Variants in CRACDL observed in about 807,000 individuals in gnomAD.
CRACDL encodes the protein CRACD like, also known as CRACD-like protein.
In CRACDL, 26 loss-of-function variants were observed where a neutral mutation model predicts 70.6. The ratio of observed to expected loss-of-function variants is 0.37; its 90% CI spans 0.27 to 0.51. The LOEUF (loss-of-function observed/expected upper bound fraction) is 0.51, where lower values mean the gene tolerates loss of function less well. Among genes scored for constraint, CRACDL ranks in the 20% least tolerant of loss-of-function variants. The pLI, the probability that CRACDL is intolerant of heterozygous loss-of-function variation, is 0.94. For synonymous variants in CRACDL, 618 were observed against 615.2 expected (o/e 1.00, Z -0.07); for missense variants, 1,283 against 1,376.9 (o/e 0.93, Z 1.08).
intron 1 of CRACDL, among the ~76,000 whole-genome samples, chr2:98,932,691 G>A (rs13397765): frequency 0.39 from 58,917 of 151,944 alleles, 12,166 homozygotes; most frequent in African/African-American, 0.53. Context: ...AGCCCCGACG[G>A]CTCTCCCAGT....
intron 1 of CRACDL, among the ~76,000 whole-genome samples, chr2:98,854,031 A>C (rs1411475522): frequency 1.3e-5 from 2 of 152,042 alleles, no homozygotes; most frequent in African/African-American, 2.4e-5. Flanking sequence ...CACCTGTAAT[A>C]CCAGCACTTT....
chr2:98,930,347 TC>T (rs1367636028), intron 1 of CRACDL, among the ~76,000 whole-genome samples: 1 of 41,414 alleles, frequency 2.4e-5, no homozygotes, highest in Non-Finnish European at 4.3e-5. Context: ...CTGTACCGTG[TC>T]CCCTACCCCA....
chr2:98,884,791 C>T (rs566326875), intron 1 of CRACDL, among the ~76,000 whole-genome samples: 14 of 152,324 alleles, frequency 9.2e-5, no homozygotes, highest in South Asian at 4.1e-4. Flanking sequence ...AACCTGCCAA[C>T]GCCTTCATCT....
In CRACDL at chr2:98,930,656, T is replaced by C. The variant is rs151248939; in HGVS notation, c.-11+5282A>G. Among the ~76,000 whole-genome samples, 631 of 152,230 alleles carry C rather than the reference T, an allele frequency of 4.1e-3. 4 individuals carry two copies. Among genetic ancestry groups the C allele is most frequent in the African/African-American group, 0.014 (600 of 41,522 alleles). Reference sequence around the variant, plus strand: ...TCCCCTCGCTTCTCCCTGTGTGTTCTAAATTGCGTCAAGGTTGTTCCCCAC... The same window carrying C: ...TCCCCTCGCTTCTCCCTGTGTGTTCCAAATTGCGTCAAGGTTGTTCCCCAC... On this transcript the variant is annotated intron_variant, in intron 1 of 9. Coordinates refer to ENST00000397899, the MANE Select transcript of CRACDL (RefSeq NM_207362.3).
intron 2 of CRACDL, among the ~76,000 whole-genome samples, chr2:98,841,394 C>G (rs1706020952): frequency 6.6e-6 from 1 of 151,958 alleles, no homozygotes; most frequent in African/African-American, 2.4e-5. Flanking sequence ...GTTTATAACC[C>G]TTACCTTTTG....
At chr2:98,845,447 G>A (rs570724864) in intron 2 of CRACDL, among the ~76,000 whole-genome samples, 7 of 151,930 alleles carry the variant, frequency 4.6e-5, no homozygotes, top group African/African-American at 1.7e-4. Context: ...CTCCCACCTC[G>A]GCCTCTCAGA....
Position 98,794,253 on chromosome 2 carries a change from C to G in CRACDL, c.*279G>C. On this transcript the variant is annotated 3_prime_UTR_variant, in exon 10 of 10. Transcript: ENST00000397899. ...TCTTCCTTGTCTGAGGCTTCTTTATCAAGGGAATTCGAAAAGACACATTCG... is the reference window on the plus strand; with the variant it reads ...TCTTCCTTGTCTGAGGCTTCTTTATGAAGGGAATTCGAAAAGACACATTCG... 1 of 296,922 alleles carries G rather than the reference C, an allele frequency of 3.4e-6. No homozygotes were observed. The highest frequency in any genetic ancestry group is 6.2e-6 in the Non-Finnish European group (1 of 161,022). 18.4% of individuals were successfully genotyped at this position (296,922 alleles called of 1,614,324 possible).
chr2:98,891,376 CA>C (rs548988640), intron 1 of CRACDL, among the ~76,000 whole-genome samples: 394 of 37,892 alleles, frequency 0.01, 1 homozygote, highest in Middle Eastern at 0.037. Flanking sequence ...GACTCCGTCT[CA>C]AAAAAAAAAA....
intron 1 of CRACDL, among the ~76,000 whole-genome samples, chr2:98,848,150 C>T (rs916023591): frequency 1.3e-5 from 2 of 152,164 alleles, no homozygotes; most frequent in East Asian, 3.8e-4. Context: ...AATCCTTTAC[C>T]ACTGTTTTAG....
Position 98,822,935 on chromosome 2 carries a change from G to C in CRACDL, c.1338C>G (p.Leu446=). ...PKEAEPTPPV[L]PDEEKGPPGP... is the part of the protein sequence containing the mutation. ...CTGGGGGCCCCTTCTCCTCATCCGG[G>C]AGCACGGGCGGCGTCGGCTCCGCTT... Residue 446 remains leucine, a synonymous_variant, in exon 7 of 10, where the codon CTC becomes CTG. Transcript: ENST00000397899. This position sits in a 1 kb window ranked among gnomAD's most constrained non-coding sequence, Gnocchi z 4.9. 6.8e-7 allele frequency: 1 copy of C among 1,463,358 alleles called. No homozygotes were observed. Among genetic ancestry groups the C allele is most frequent in the Non-Finnish European group, 9.0e-7 (1 of 1,114,228 alleles). The allele number at this position is 1,463,358 out of a possible 1,614,324, so 90.6% of individuals were successfully genotyped here. A position where few individuals can be genotyped will look rare whatever the true frequency, so the allele number is the denominator to read the frequency against.
Position 98,827,097 on chromosome 2 carries a change from G to C in CRACDL, c.613C>G (p.Pro205Ala). ...SARISDNSLA[P>A]VADFSYPAES... ...GCAGGATAACTGAAGTCAGCCACTG[G>C]TGCCAGGCTGTTGTCTGAGATCCGG... is the stretch of plus-strand genomic sequence containing the variant. Residue 205 changes from proline to alanine, a missense_variant, in exon 6 of 10, where the codon CCA (proline) becomes GCA (alanine). Pro to Ala is a conservative substitution (Grantham distance 27, BLOSUM62 -1). Transcript: ENST00000397899. 2.5e-6 allele frequency: 4 copies of C among 1,614,162 alleles called. No homozygotes were observed. Among genetic ancestry groups the C allele is most frequent in the Non-Finnish European group, 3.4e-6 (4 of 1,180,004 alleles).
At chr2:98,845,360 C>T (rs1465991680) in intron 2 of CRACDL, among the ~76,000 whole-genome samples, 1 of 151,936 alleles carries the variant, frequency 6.6e-6, no homozygotes, top group Non-Finnish European at 1.5e-5. Context: ...CCATGTCCAG[C>T]CAATTTTTAA....
chr2:98,822,658 G>T lies in CRACDL; in HGVS notation c.1615C>A (p.Arg539Ser), dbSNP rs1190059664. ...GCCTCGGCTCGCTCGGCCTTGGGGCGCTCCGGGGCGGCGGCCTCTGCGTCG... is the reference window on the plus strand; with the variant it reads ...GCCTCGGCTCGCTCGGCCTTGGGGCTCTCCGGGGCGGCGGCCTCTGCGTCG... ...SLDAEAAAPE[R>S]PKAERAEAPP... is the part of the protein sequence containing the mutation. Residue 539 changes from arginine (R) to serine (S), a missense_variant, in exon 7 of 10, where the codon CGC becomes AGC. Physicochemically the swap from Arg to Ser is moderately radical, Grantham distance 110. This residue lies in a region of CRACDL where 921 missense variants were observed against 881.9 expected (regional missense o/e 1.04). Transcript: ENST00000397899. This position sits in a 1 kb window ranked among gnomAD's most constrained non-coding sequence, Gnocchi z 4.9. The T allele has an allele frequency of 1.2e-5, 16 of 1,287,772 alleles. No homozygotes were observed. The highest frequency in any genetic ancestry group is 1.6e-5 in the Non-Finnish European group (16 of 1,022,394). The allele number at this position is 1,287,772 out of a possible 1,614,324, so 79.8% of individuals were successfully genotyped here.
intron 1 of CRACDL, among the ~76,000 whole-genome samples, chr2:98,890,748 G>A (rs186787459): frequency 2.0e-5 from 3 of 152,206 alleles, no homozygotes; most frequent in East Asian, 1.9e-4. Context: ...GCCACATGTC[G>A]ATGCCCAAAG....
Position 98,932,948 on chromosome 2 carries a change from C to G in CRACDL, c.-11+2990G>C, listed in dbSNP as rs111236603. 9.5e-3 allele frequency among the ~76,000 whole-genome samples: 1,449 copies of G among 152,300 alleles called. 13 individuals carry two copies. Among genetic ancestry groups the G allele is most frequent in the Middle Eastern group, 0.017 (5 of 294 alleles). On this transcript the variant is annotated intron_variant, in intron 1 of 9. Coordinates refer to ENST00000397899, the MANE Select transcript of CRACDL (RefSeq NM_207362.3). ...CACTGAGCACCTACCGCTGTGCACC[C>G]CACCTGGAGGAGCAGGGGTGGGGCT...
intron 2 of CRACDL, among the ~76,000 whole-genome samples, chr2:98,845,386 CAG>C (rs1243687281): frequency 6.6e-6 from 1 of 151,804 alleles, no homozygotes; most frequent in Non-Finnish European, 1.5e-5. Flanking sequence ...TTTGTAGAGA[CAG>C]AGTCTCACTA....
At chr2:98,892,744 C>T (rs1037409802) in intron 1 of CRACDL, among the ~76,000 whole-genome samples, 37 of 151,920 alleles carry the variant, frequency 2.4e-4, no homozygotes. Flanking sequence ...GGAAAACATG[C>T]ATATATACAG....
chr2:98,822,408 G>C lies in CRACDL; in HGVS notation c.1865C>G (p.Pro622Arg). The C allele has an allele frequency of 1.3e-6, 2 of 1,483,610 alleles. No homozygotes were observed. Among genetic ancestry groups the C allele is most frequent in the South Asian group, 1.3e-5 (1 of 78,780 alleles). The allele number at this position is 1,483,610 out of a possible 1,614,324, so 91.9% of individuals were successfully genotyped here. A position where few individuals can be genotyped will look rare whatever the true frequency, so the allele number is the denominator to read the frequency against. Residue 622 changes from proline (P) to arginine (R), a missense_variant, in exon 7 of 10, where the codon CCC becomes CGC. Pro to Arg is a moderately radical substitution (Grantham distance 103). This residue lies in a region of CRACDL where 921 missense variants were observed against 881.9 expected (regional missense o/e 1.04). Transcript: ENST00000397899. This position sits in a 1 kb window ranked among gnomAD's most constrained non-coding sequence, Gnocchi z 4.9. ...ALDDLQGLPE[P>R]QHAKPGPRKL... is the part of the protein sequence containing the mutation. ...CCGAGGGCCAGGTTTCGCGTGCTGG[G>C]GCTCGGGGAGACCCTGGAGGTCGTC...
Position 98,821,952 on chromosome 2 carries a change from G to A in CRACDL, c.2321C>T (p.Pro774Leu), listed in dbSNP as rs772311196. 6 of 1,551,650 alleles carry A rather than the reference G, an allele frequency of 3.9e-6. No individual in the cohort carries two copies. Among genetic ancestry groups the A allele is most frequent in the African/African-American group, 1.4e-5 (1 of 72,122 alleles). Reference protein sequence around the residue: ...RKPLLQSFTLPHQPAPPDAGP... With the variant: ...RKPLLQSFTLLHQPAPPDAGP... ...GGCGTCGGGGGGCGCGGGCTGGTGC[G>A]GGAGCGTGAAGCTCTGCAGAAGCGG... The change falls in exon 7 of 10, where the codon CCG becomes CTG. Residue 774 changes from proline (P) to leucine (L), a missense_variant. Pro to Leu is a moderately conservative substitution (Grantham distance 98). Transcript: ENST00000397899.
Sources: gnomAD v4.1 joint callset for allele counts (sites outside exome capture counted in the v4.1 genomes callset) on GRCh38, gnomAD v4.1.1 for gene constraint, gnomAD v4.1.1 regional missense constraint, Gnocchi (gnomAD v3.1) non-coding constraint, MANE v1.5 for transcripts, NCBI Gene and HGNC (gene_info 2026-07-23, HGNC 2026-07-21) for gene names.